CCDC9: variants seen among roughly 807,000 people sequenced by gnomAD.
The protein encoded by CCDC9 is coiled-coil domain containing 9.
In CCDC9, 52 loss-of-function variants were observed where a neutral mutation model predicts 65.6. The observed-to-expected ratio is 0.79, with a 90% CI of 0.63 to 1.00. The LOEUF (loss-of-function observed/expected upper bound fraction) is 1.00. CCDC9 is among the 50% of genes least tolerant of loss of function. CCDC9 has a pLI of 0.00. For synonymous variants in CCDC9, 332 were observed against 280.3 expected, an observed-to-expected ratio of 1.18 and a Z score of -1.84; for missense variants, 834 against 757.2, an observed-to-expected ratio of 1.10 and a Z score of -1.19.
Position 47,271,845 on chromosome 19 carries a change from C to T in CCDC9, c.*167C>T, listed in dbSNP as rs550355055. On this transcript the variant is annotated 3_prime_UTR_variant, in exon 12 of 12. Coordinates refer to ENST00000221922, the MANE Select transcript of CCDC9 (RefSeq NM_015603.3). ...ACAGCCCTGTCAGCTGAGGGGGTAG[C>T]GCAGCCCATGCTCTTCTGTACTGTC... The T allele has an allele frequency of 1.3e-5, 18 of 1,413,566 alleles. No individual in the cohort carries two copies. The East Asian group carries it at 1.3e-4, about 10-fold the overall frequency. 87.6% of individuals were successfully genotyped at this position (1,413,566 alleles called of 1,614,324 possible). A position where few individuals can be genotyped will look rare whatever the true frequency, so the allele number is the denominator to read the frequency against.
At chr19:47,270,778 C>G (rs1490821598) in intron 10 of CCDC9, 90 bp downstream of exon 10, 7 of 1,348,404 alleles carry the variant, frequency 5.2e-6, no homozygotes, top group African/African-American at 2.9e-5. Flanking sequence ...GTGGGTACAT[C>G]TGTCTGTCCC....
rs776956763 is a variant in CCDC9 at position 47,260,431 on chromosome 19, G to A, written c.210+9G>A. On this transcript the variant is annotated intron_variant, in intron 4 of 11. Coordinates refer to ENST00000221922, the MANE Select transcript of CCDC9 (RefSeq NM_015603.3). ...ACGTGGCAGTGGAGTCGGTGAGCTC[G>A]TCACTGGGGTGTGGGACCCTGAGGA... The A allele has an allele frequency of 3.7e-6, 6 of 1,608,834 alleles. No individual in the cohort carries two copies. Among genetic ancestry groups the A allele is most frequent in the Admixed American group, 3.4e-5 (2 of 59,528 alleles).
At chr19:47,263,635 G>A (rs766727522) in intron 5 of CCDC9, among the ~76,000 whole-genome samples, 5 of 151,910 alleles carry the variant, frequency 3.3e-5, no homozygotes, top group Non-Finnish European at 5.9e-5. Context: ...GTATGATTTC[G>A]GCTCACTGCA....
chr19:47,258,603 G>T lies in CCDC9; in HGVS notation c.48G>T (p.Glu16Asp). Residue 16 changes from glutamate to aspartate, a missense_variant, in exon 3 of 12, where the codon GAG becomes GAT. Transcript: ENST00000221922. ...DLKSKEEKDAELDKRIEALRR... is the reference protein window; with the variant it reads ...DLKSKEEKDADLDKRIEALRR... Reference sequence around the variant, plus strand: ...AATCAAAGGAGGAGAAGGATGCTGAGTTGGACAAGAGGATCGAGGCTCTTC... The same window carrying T: ...AATCAAAGGAGGAGAAGGATGCTGATTTGGACAAGAGGATCGAGGCTCTTC... The T allele has an allele frequency of 6.2e-7, 1 of 1,614,192 alleles. No individual in the cohort carries two copies.
At chr19:47,275,022 G>A (rs1055395072), downstream of CCDC9, 6 of 1,486,036 alleles carry the variant, frequency 4.0e-6, no homozygotes, top group African/African-American at 7.3e-5. Context: ...TCCGGTATGC[G>A]CCTACTTCCT....
chr19:47,271,931 A>G lies in CCDC9; in HGVS notation c.*253A>G. The G allele has an allele frequency of 7.7e-7, 1 of 1,297,172 alleles. No individual in the cohort carries two copies. The highest frequency in any genetic ancestry group is 9.8e-7 in the Non-Finnish European group (1 of 1,024,676). 80.4% of individuals were successfully genotyped at this position (1,297,172 alleles called of 1,614,324 possible). A position where few individuals can be genotyped will look rare whatever the true frequency, so the allele number is the denominator to read the frequency against. Reference sequence around the variant, plus strand: ...CCCCAGCCCTTCGAGCCCCCTCCCCAATAAAGAATTCACATCCTCCAATGA... The same window carrying G: ...CCCCAGCCCTTCGAGCCCCCTCCCCGATAAAGAATTCACATCCTCCAATGA... On this transcript the variant is annotated 3_prime_UTR_variant, in exon 12 of 12. Coordinates refer to ENST00000221922, the MANE Select transcript of CCDC9 (RefSeq NM_015603.3).
Position 47,271,593 on chromosome 19 carries a change from A to G in CCDC9, c.1511A>G (p.Glu504Gly), listed in dbSNP as rs768520789. The G allele has an allele frequency of 1.9e-6, 3 of 1,612,554 alleles. No homozygotes were observed. Among genetic ancestry groups the G allele is most frequent in the Non-Finnish European group, 1.7e-6 (2 of 1,179,714 alleles). ...SGHQPVSDWG[E>G]EVELNSPRTT... ...CACCAGCCTGTGTCCGATTGGGGTG[A>G]AGAGGTGGAGCTGAATTCTCCCCGG... The change falls in exon 12 of 12, where the codon GAA (glutamate) becomes GGA (glycine). Residue 504 changes from glutamate to glycine, a missense_variant. By Grantham distance (98) the Glu-to-Gly change is moderately conservative. Transcript: ENST00000221922.
intron 3 of CCDC9, 119 bp downstream of exon 3, chr19:47,258,782 A>T: frequency 2.8e-6 from 2 of 718,452 alleles, no homozygotes; most frequent in Non-Finnish European, 4.9e-6. Flanking sequence ...ATAAAGGCCA[A>T]AGGCCTTAGC....
At chr19:47,261,538 AC>A (rs2123450483) in intron 5 of CCDC9, among the ~76,000 whole-genome samples, 1 of 152,006 alleles carries the variant, frequency 6.6e-6, no homozygotes, top group Admixed American at 6.6e-5. Context: ...TCTAGCACTT[AC>A]ACGGGAATAA....
chr19:47,275,478 C>A, downstream of CCDC9: 1 of 1,319,414 alleles, frequency 7.6e-7, no homozygotes, highest in Non-Finnish European at 1.0e-6. Flanking sequence ...GAGCCGTCAT[C>A]CCGCGGAATG....
chr19:47,257,205 CA>C (rs1202999937), intron 1 of CCDC9, among the ~76,000 whole-genome samples: 1 of 148,774 alleles, frequency 6.7e-6, no homozygotes, highest in African/African-American at 2.5e-5. Context: ...GATGCTGACG[CA>C]ACGAGGTGTG....
In CCDC9 at chr19:47,264,941, C is replaced by G; in HGVS notation, c.715C>G (p.Arg239Gly). 2 of 1,445,394 alleles carry G rather than the reference C, an allele frequency of 1.4e-6. No individual in the cohort carries two copies. Among genetic ancestry groups the G allele is most frequent in the Non-Finnish European group, 1.8e-6 (2 of 1,102,890 alleles). 89.5% of individuals were successfully genotyped at this position (1,445,394 alleles called of 1,614,324 possible). A position where few individuals can be genotyped will look rare whatever the true frequency, so the allele number is the denominator to read the frequency against. Residue 239 changes from arginine to glycine, a missense_variant, in exon 7 of 12, where the codon CGG becomes GGG. Transcript: ENST00000221922. ...ERVRCGLEHE[R>G]QGRRAGLGSA... ...GGTGCGCTGTGGCCTTGAGCACGAG[C>G]GGCAGGTGGGTGTTGGCAGTGAGGA...
rs1225578402 is a variant in CCDC9, at chr19:47,270,394, A to G, written c.903-13A>G. The stretch of plus-strand genomic sequence containing the variant: ...TCCCCCAGCTGCCCGCTCACCCGTT[A>G]TCTTTCCCCCAGGTTCAAGGATGGC... On this transcript the variant is annotated splice_polypyrimidine_tract_variant and intron_variant, in intron 8 of 11. Coordinates refer to ENST00000221922, the MANE Select transcript of CCDC9 (RefSeq NM_015603.3). The G allele has an allele frequency of 1.2e-6, 2 of 1,613,586 alleles. No homozygotes were observed. Among genetic ancestry groups the G allele is most frequent in the East Asian group, 2.2e-5 (1 of 44,872 alleles).
chr19:47,262,211 T>C (rs962687463), intron 5 of CCDC9, among the ~76,000 whole-genome samples: 1 of 43,260 alleles, frequency 2.3e-5, no homozygotes, highest in Middle Eastern at 0.013. Flanking sequence ...AGGTTCCTGC[T>C]TTTTTTTTTT....
In CCDC9 at chr19:47,264,703, T is replaced by A. The variant is rs1484693834; in HGVS notation, c.546+17T>A. 1.3e-5 allele frequency: 21 copies of A among 1,602,852 alleles called. 1 individual carries two copies. The South Asian group carries it at 1.5e-4, about 11-fold the overall frequency. On this transcript the variant is annotated intron_variant, in intron 6 of 11. Coordinates refer to ENST00000221922, the MANE Select transcript of CCDC9 (RefSeq NM_015603.3). ...AACCAGCGGGTCAGTGGTGCGGGTG[T>A]CCCCGAGGCAGGGCCGAGCTGCCTG... is the stretch of plus-strand genomic sequence containing the variant.
Position 47,260,846 on chromosome 19 carries a change from G to A in CCDC9, c.462+7G>A. 1 of 1,605,668 alleles carries A rather than the reference G, an allele frequency of 6.2e-7. No individual in the cohort carries two copies. Among genetic ancestry groups the A allele is most frequent in the Non-Finnish European group, 8.5e-7 (1 of 1,177,238 alleles). On this transcript the variant is annotated splice_region_variant and intron_variant, in intron 5 of 11. Transcript: ENST00000221922. ...CTCTGACCGTAAATCCAAGGTAGGA[G>A]CTAGGCAGCGCCTGGAGCCCTGGCT...
chr19:47,258,091 G>A (rs1465018332), intron 1 of CCDC9: 1 of 477,048 alleles, frequency 2.1e-6, no homozygotes, highest in African/African-American at 2.0e-5. Context: ...TCCCCAAGGT[G>A]GGTTTGACTA....
intron 10 of CCDC9, 95 bp downstream of exon 10, chr19:47,270,783 T>G: frequency 1.5e-6 from 2 of 1,352,980 alleles, no homozygotes; most frequent in Non-Finnish European, 2.0e-6. Flanking sequence ...TACATCTGTC[T>G]GTCCCTGTCT....
rs539538465 is a variant in CCDC9, at chr19:47,271,489, C to T, written c.1407C>T (p.Val469=). 1.2e-5 allele frequency: 20 copies of T among 1,613,144 alleles called. No homozygotes were observed. In the African/African-American group the frequency reaches 2.3e-4, roughly 18 times the overall value. Residue 469 remains valine (V), a synonymous_variant, in exon 12 of 12, where the codon GTC becomes GTT. Transcript: ENST00000221922. The part of the protein sequence containing the change: ...GIPCSEQAHG[V]PFSPEEPLLE... ...CCTGCAGTGAGCAGGCCCACGGAGT[C>T]CCCTTCAGTCCGGAGGAGCCCCTGC...
Sources: gnomAD v4.1 joint callset for allele counts (sites outside exome capture counted in the v4.1 genomes callset) on GRCh38, gnomAD v4.1.1 for gene constraint, MANE v1.5 for transcripts, NCBI Gene and HGNC (gene_info 2026-07-23, HGNC 2026-07-21) for gene names.